CATSPERB: variants seen among roughly 807,000 people sequenced by gnomAD.
CATSPERB encodes catsper channel auxiliary subunit beta.
In CATSPERB, 93 loss-of-function variants were observed where a neutral mutation model predicts 128.3. The observed-to-expected ratio is 0.72, with a 90% CI of 0.61 to 0.86. The LOEUF is 0.86. Ranked by LOEUF, CATSPERB falls within the 40% of genes least tolerant of loss-of-function variation. The pLI is 0.00. For synonymous variants in CATSPERB, 381 were observed against 448.8 expected, an observed-to-expected ratio of 0.85 and a Z score of 1.91; for missense variants, 1,153 against 1,329.5, an observed-to-expected ratio of 0.87 and a Z score of 2.06.
chr14:91,619,189 A>G (rs761491960), intron 19 of CATSPERB, among the ~76,000 whole-genome samples: 12 of 152,214 alleles, frequency 7.9e-5, no homozygotes, highest in Non-Finnish European at 1.8e-4. Flanking sequence ...TAACAGGTAA[A>G]TTGTATACTA....
rs116387236 is a variant in CATSPERB at position 91,725,796 on chromosome 14, A to G, written c.80-628T>C. 5.2e-3 allele frequency among the ~76,000 whole-genome samples: 791 copies of G among 152,310 alleles called. 7 individuals are homozygous for G. Among genetic ancestry groups the G allele is most frequent in the African/African-American group, 0.018 (739 of 41,568 alleles). ...AGAAGAGGCAAAGGTCCCATCCTCAAGCCTGGAAACCCACAGCCCTAATGA... is the reference window on the plus strand; with the variant it reads ...AGAAGAGGCAAAGGTCCCATCCTCAGGCCTGGAAACCCACAGCCCTAATGA... On this transcript the variant is annotated intron_variant, in intron 2 of 26. Transcript: ENST00000256343.
chr14:91,610,724 G>A (rs765442802), intron 20 of CATSPERB, 47 bp from the exon 21 acceptor site: 1 of 1,562,096 alleles, frequency 6.4e-7, no homozygotes, highest in South Asian at 1.1e-5. Context: ...AACTGTTATG[G>A]ACTGAACTGT....
At chr14:91,653,537 G>C (rs1170583378) in intron 15 of CATSPERB, among the ~76,000 whole-genome samples, 2 of 152,228 alleles carry the variant, frequency 1.3e-5, no homozygotes, top group South Asian at 4.2e-4. Context: ...CATGGCTGGG[G>C]AAGATCTCAC....
chr14:91,595,752 A>G (rs994941757), intron 22 of CATSPERB, among the ~76,000 whole-genome samples: 5 of 152,220 alleles, frequency 3.3e-5, no homozygotes, highest in Admixed American at 6.5e-5. Context: ...AAAATAACCA[A>G]TTCCTCCAAT....
At position 91,659,912 on chromosome 14, in the gene CATSPERB, T is replaced by G. The variant is rs1894845917; in HGVS notation, c.1357A>C (p.Lys453Gln). 1 of 1,603,842 alleles carries G rather than the reference T, an allele frequency of 6.2e-7. No individual in the cohort carries two copies. The highest frequency in any genetic ancestry group is 8.5e-7 in the Non-Finnish European group (1 of 1,176,980). ...IANFHDDIIK[K>Q]TFHSFYTSAI... ...GATGTATAAAAACTATGAAAAGTCT[T>G]CTTTATGATATCATCATGAAAGTTA... Residue 453 changes from lysine (K) to glutamine (Q), a missense_variant, in exon 15 of 27, where the codon AAG (lysine) becomes CAG (glutamine). Lys to Gln is a moderately conservative substitution (Grantham distance 53). Transcript: ENST00000256343.
chr14:91,713,075 T>C (rs1286394851), intron 5 of CATSPERB, among the ~76,000 whole-genome samples: 1 of 152,180 alleles, frequency 6.6e-6, no homozygotes, highest in Non-Finnish European at 1.5e-5. Flanking sequence ...GGTCAGATAG[T>C]AAATATTTGG....
chr14:91,727,441 A>T (rs1040023434), intron 2 of CATSPERB, among the ~76,000 whole-genome samples: 2 of 152,224 alleles, frequency 1.3e-5, no homozygotes, highest in East Asian at 1.9e-4. Flanking sequence ...AACGTTACTC[A>T]TTCTGTTTGT....
chr14:91,719,370 G>T, intron 5 of CATSPERB, 48 bp downstream of exon 5: 2 of 1,287,960 alleles, frequency 1.6e-6, no homozygotes, highest in Admixed American at 2.3e-5. Flanking sequence ...CTTTTTATTT[G>T]ATAAATCCAG....
At chr14:91,632,613 T>A (rs970663347) in intron 17 of CATSPERB, among the ~76,000 whole-genome samples, 1 of 152,138 alleles carries the variant, frequency 6.6e-6, no homozygotes, top group Non-Finnish European at 1.5e-5. Flanking sequence ...AAATCCAGTA[T>A]ACACAGTAGG....
intron 22 of CATSPERB, among the ~76,000 whole-genome samples, chr14:91,602,170 G>A (rs1893617237): frequency 6.6e-6 from 1 of 152,070 alleles, no homozygotes; most frequent in South Asian, 2.1e-4. Flanking sequence ...TAAGCTGTGA[G>A]CTGTGAAATT....
At chr14:91,621,262 G>C (rs991177196) in intron 19 of CATSPERB, among the ~76,000 whole-genome samples, 1 of 152,058 alleles carries the variant, frequency 6.6e-6, no homozygotes, top group Non-Finnish European at 1.5e-5. Context: ...AACTAGCCGG[G>C]AGTGGTGTAC....
chr14:91,624,416 G>A (rs150839011), intron 18 of CATSPERB, among the ~76,000 whole-genome samples: 274 of 152,298 alleles, frequency 1.8e-3, no homozygotes, highest in African/African-American at 6.2e-3. Flanking sequence ...GCCAGGAGGC[G>A]GAGGTTGCAG....
intron 15 of CATSPERB, among the ~76,000 whole-genome samples, chr14:91,639,729 G>A (rs139536800): frequency 1.2e-3 from 184 of 152,304 alleles, no homozygotes; most frequent in African/African-American, 4.1e-3. Context: ...GGCACTGTCA[G>A]TAATCAGATG....
intron 20 of CATSPERB, among the ~76,000 whole-genome samples, chr14:91,613,073 TA>T (rs1047049680): frequency 1.3e-5 from 2 of 152,172 alleles, no homozygotes; most frequent in African/African-American, 2.4e-5. Flanking sequence ...TATACAATAT[TA>T]AAAAGTATTT....
chr14:91,626,576 C>A (rs950060028), intron 17 of CATSPERB, among the ~76,000 whole-genome samples: 1 of 151,848 alleles, frequency 6.6e-6, no homozygotes, highest in Admixed American at 6.6e-5. Context: ...TGAATTCAGT[C>A]CCTTCCCTCC....
intron 15 of CATSPERB, among the ~76,000 whole-genome samples, chr14:91,651,306 A>C (rs61988756): frequency 0.078 from 11,903 of 151,996 alleles, 507 homozygotes; most frequent in Middle Eastern, 0.16. Context: ...GGTGGTCCCT[A>C]CTCCATTCCA....
intron 10 of CATSPERB, among the ~76,000 whole-genome samples, chr14:91,687,429 A>G (rs879798154): frequency 9.9e-5 from 15 of 152,162 alleles, no homozygotes; most frequent in Non-Finnish European, 8.8e-5. Context: ...CTCTTATAAA[A>G]GAGAACCCAG....
chr14:91,700,007 A>C (rs1397948332), intron 7 of CATSPERB, among the ~76,000 whole-genome samples: 1 of 152,008 alleles, frequency 6.6e-6, no homozygotes, highest in Admixed American at 6.5e-5. Context: ...ATAGGTGTAC[A>C]TGTGCCATGG....
chr14:91,685,119 G>A (rs55768494), intron 10 of CATSPERB, among the ~76,000 whole-genome samples: 1 of 152,012 alleles, frequency 6.6e-6, no homozygotes, highest in South Asian at 2.1e-4. Context: ...AGGGAAAGGA[G>A]TCTCACTATA....
Sources: gnomAD v4.1 joint callset for allele counts (sites outside exome capture counted in the v4.1 genomes callset) on GRCh38, gnomAD v4.1.1 for gene constraint, MANE v1.5 for transcripts, NCBI Gene and HGNC (gene_info 2026-07-23, HGNC 2026-07-21) for gene names.